Variants in ADGRL2 observed in about 807,000 individuals in gnomAD.
The protein encoded by ADGRL2 is adhesion G protein-coupled receptor L2, also known as calcium-independent alpha-latrotoxin receptor 2.
Under a neutral mutation model 157.4 loss-of-function variants are expected in ADGRL2, and 44 were observed. That is an observed-to-expected ratio of 0.28 (90% CI 0.22 to 0.36). ADGRL2 has a LOEUF of 0.36. Ranked by LOEUF, ADGRL2 falls within the 10% of genes least tolerant of loss-of-function variation. ADGRL2 has a pLI of 1.00. For missense variants in ADGRL2, 1,510 were observed against 1,768.9 expected (o/e 0.85, Z 2.63); for synonymous variants, 585 against 624.7 (o/e 0.94, Z 0.95).
chr1:81,492,701 A>ATTCAATATTCTAAG (rs1553169937), intron 2 of ADGRL2, among the ~76,000 whole-genome samples: 2 of 152,180 alleles, frequency 1.3e-5, no homozygotes, highest in Non-Finnish European at 2.9e-5. Flanking sequence ...TGGATATAAT[A>ATTCAATATTCTAAG]TTCAATATTC....
At chr1:81,576,640 A>G (rs2080803250) in intron 2 of ADGRL2, among the ~76,000 whole-genome samples, 3 of 152,110 alleles carry the variant, frequency 2.0e-5, no homozygotes, top group Admixed American at 1.3e-4. Context: ...GCGCACCCAC[A>G]TTTCAGGTTT....
chr1:81,745,286 C>G (rs1286932843), intron 1 of ADGRL2, among the ~76,000 whole-genome samples: 1 of 152,178 alleles, frequency 6.6e-6, no homozygotes, highest in Non-Finnish European at 1.5e-5. Context: ...TGATCTTTCT[C>G]TCTGAGAAGC....
intron 3 of ADGRL2, among the ~76,000 whole-genome samples, chr1:81,645,377 A>G (rs2082293466): frequency 7.0e-6 from 1 of 143,520 alleles, no homozygotes; most frequent in Admixed American, 7.2e-5. Context: ...AGCCTGGGTG[A>G]CAGAGTGAGA....
intron 1 of ADGRL2, among the ~76,000 whole-genome samples, chr1:81,444,112 A>G (rs1470581791): frequency 1.3e-5 from 2 of 152,214 alleles, no homozygotes; most frequent in African/African-American, 4.8e-5. Context: ...TCTATTGCCA[A>G]TGTATAATAA....
intron 3 of ADGRL2, among the ~76,000 whole-genome samples, chr1:81,665,400 C>T (rs1195226178): frequency 6.6e-6 from 1 of 152,066 alleles, no homozygotes; most frequent in African/African-American, 2.4e-5. Flanking sequence ...TAAACTAATA[C>T]CTAAACTGAG....
intron 2 of ADGRL2, among the ~76,000 whole-genome samples, chr1:81,555,959 G>A (rs2080265151): frequency 6.6e-6 from 1 of 151,682 alleles, no homozygotes; most frequent in Admixed American, 6.6e-5. Flanking sequence ...CAGAATGAAT[G>A]GCAAAATTTA....
At chr1:81,796,988 C>A (rs1029407710), upstream of ADGRL2, among the ~76,000 whole-genome samples, 3 of 152,116 alleles carry the variant, frequency 2.0e-5, no homozygotes, top group Admixed American at 6.5e-5. Context: ...GTTTTGATTT[C>A]TTTTCAGCCT....
chr1:81,424,983 T>G (rs368531992), intron 1 of ADGRL2, among the ~76,000 whole-genome samples: 1 of 152,182 alleles, frequency 6.6e-6, no homozygotes, highest in East Asian at 1.9e-4. Flanking sequence ...CTTAAAAGAT[T>G]CCAGTCAAAA....
At chr1:81,599,761 G>A (rs997236681) in intron 3 of ADGRL2, among the ~76,000 whole-genome samples, 78 of 152,232 alleles carry the variant, frequency 5.1e-4, no homozygotes, top group African/African-American at 1.7e-3. Context: ...TGAGAAAACC[G>A]AGGCTCATTA....
intron 2 of ADGRL2, among the ~76,000 whole-genome samples, chr1:81,481,684 A>G (rs984326909): frequency 6.6e-6 from 1 of 152,254 alleles, no homozygotes; most frequent in Middle Eastern, 3.4e-3. Context: ...ATGAGGTTAC[A>G]ATGTTCCCTA....
At chr1:81,920,216 T>C (rs938459461) in intron 3 of ADGRL2, among the ~76,000 whole-genome samples, 2 of 152,188 alleles carry the variant, frequency 1.3e-5, no homozygotes, top group Non-Finnish European at 2.9e-5. Context: ...TTCACTGCTC[T>C]ATAGGAAACC....
At chr1:81,827,648 C>T (rs1474216208) in intron 1 of ADGRL2, among the ~76,000 whole-genome samples, 1 of 152,138 alleles carries the variant, frequency 6.6e-6, no homozygotes, top group East Asian at 1.9e-4. Context: ...GCACTACACC[C>T]TCAGCCTCCC....
At chr1:81,910,153 T>C in intron 3 of ADGRL2, among the ~76,000 whole-genome samples, 1 of 151,562 alleles carries the variant, frequency 6.6e-6, no homozygotes, top group East Asian at 1.9e-4. Context: ...GGCAGAAGAA[T>C]CTGTTGAACC....
chr1:81,552,832 T>C (rs1196456385), intron 2 of ADGRL2, among the ~76,000 whole-genome samples: 5 of 152,212 alleles, frequency 3.3e-5, no homozygotes, highest in African/African-American at 1.2e-4. Flanking sequence ...GTCGGTGAGA[T>C]ACACATTTAA....
At chr1:81,740,696 T>A (rs975377181) in intron 1 of ADGRL2, among the ~76,000 whole-genome samples, 1 of 152,200 alleles carries the variant, frequency 6.6e-6, no homozygotes, top group Admixed American at 6.5e-5. Context: ...CCAGCCAACA[T>A]TTAGTATATG....
At chr1:81,642,085 C>CA (rs35660017) in intron 3 of ADGRL2, among the ~76,000 whole-genome samples, 52,860 of 142,396 alleles carry the variant, frequency 0.37, 9,487 homozygotes, top group African/African-American at 0.39. Flanking sequence ...ACTAAACATA[C>CA]AAAAAAAAAA....
At chr1:81,493,840 T>C (rs2078681084) in intron 2 of ADGRL2, among the ~76,000 whole-genome samples, 1 of 152,168 alleles carries the variant, frequency 6.6e-6, no homozygotes, top group African/African-American at 2.4e-5. Context: ...GTAGACGCTA[T>C]ACACTTATTC....
chr1:81,934,746 A>G (rs2095284770), intron 3 of ADGRL2, among the ~76,000 whole-genome samples: 1 of 151,976 alleles, frequency 6.6e-6, no homozygotes. Context: ...TTCAAAACCT[A>G]ACAGTTTGGT....
At chr1:81,990,360 A>G (rs1439247523) in intron 23 of ADGRL2, 31 bp from the exon 24 acceptor site, 3 of 1,596,208 alleles carry the variant, frequency 1.9e-6, no homozygotes, top group Non-Finnish European at 2.6e-6. Context: ...GAACAGAGAC[A>G]GTAATGATAA....
Sources: gnomAD v4.1 joint callset for allele counts (sites outside exome capture counted in the v4.1 genomes callset) on GRCh38, gnomAD v4.1.1 for gene constraint, MANE v1.5 for transcripts, NCBI Gene and HGNC (gene_info 2026-07-23, HGNC 2026-07-21) for gene names.